ROR2: variants seen among roughly 807,000 people sequenced by gnomAD.
ROR2 encodes tyrosine-protein kinase transmembrane receptor ROR2.
In ROR2, 33 loss-of-function variants were observed where a neutral mutation model predicts 74.9. The observed-to-expected ratio is 0.44, with a 90% CI of 0.33 to 0.59. The LOEUF is 0.59. ROR2 is among the 20% of genes least tolerant of loss of function. ROR2 has a pLI of 0.02. For missense variants in ROR2, 1,216 were observed against 1,313.8 expected (o/e 0.93, Z 1.15); for synonymous variants, 586 against 558.7 (o/e 1.05, Z -0.69).
At chr9:91,785,878 C>T (rs1826779248) in intron 1 of ROR2, among the ~76,000 whole-genome samples, 1 of 152,202 alleles carries the variant, frequency 6.6e-6, no homozygotes, top group African/African-American at 2.4e-5. Flanking sequence ...CTGACAACAT[C>T]CCCTTTTACA....
intron 1 of ROR2, among the ~76,000 whole-genome samples, chr9:91,810,373 G>A (rs142196390): frequency 6.6e-6 from 1 of 152,292 alleles, no homozygotes; most frequent in East Asian, 1.9e-4. Context: ...CCTTCCCAGA[G>A]GCGAGTTTCA....
chr9:91,781,229 A>G (rs1236921746), intron 1 of ROR2, among the ~76,000 whole-genome samples: 8 of 152,220 alleles, frequency 5.3e-5, no homozygotes, highest in African/African-American at 1.7e-4. Flanking sequence ...GCAGGGAAAA[A>G]GCACAGCCTG....
At chr9:91,849,423 C>A (rs1275807437) in intron 1 of ROR2, among the ~76,000 whole-genome samples, 1 of 152,230 alleles carries the variant, frequency 6.6e-6, no homozygotes, top group Non-Finnish European at 1.5e-5. Flanking sequence ...CCCCTCTTCT[C>A]TTCAACTTTC....
intron 1 of ROR2, among the ~76,000 whole-genome samples, chr9:91,796,637 G>A (rs1381663300): frequency 2.0e-5 from 3 of 152,066 alleles, no homozygotes; most frequent in African/African-American, 7.2e-5. Flanking sequence ...CTCAGTGGGA[G>A]GGGTTGACAT....
Position 91,920,116 on chromosome 9 carries a change from A to G in ROR2, c.97+29751T>C, listed in dbSNP as rs967232427. 8.9e-4 allele frequency among the ~76,000 whole-genome samples: 136 copies of G among 152,360 alleles called. 2 individuals are homozygous for G. The highest frequency in any genetic ancestry group is 2.6e-4 in the Admixed American group (4 of 15,308). On this transcript the variant is annotated intron_variant, in intron 1 of 8. Coordinates refer to ENST00000375708, the MANE Select transcript of ROR2 (RefSeq NM_004560.4). ...TCTCTTTTGAGTAACATAAAAAATT[A>G]TAAAAGAATCAAAACCTCAATGAAT...
intron 1 of ROR2, among the ~76,000 whole-genome samples, chr9:91,790,175 C>T (rs576780556): frequency 2.0e-5 from 3 of 152,202 alleles, no homozygotes; most frequent in African/African-American, 7.2e-5. Flanking sequence ...GTGATGCTGT[C>T]TAAGCAAACC....
intron 2 of ROR2, among the ~76,000 whole-genome samples, chr9:91,768,133 G>A (rs1008260793): frequency 3.3e-5 from 5 of 152,142 alleles, no homozygotes; most frequent in Admixed American, 6.5e-5. Flanking sequence ...AGCTCAGACC[G>A]AAGCATGGCA....
At chr9:91,787,804 G>C (rs1384863484) in intron 1 of ROR2, among the ~76,000 whole-genome samples, 1 of 149,854 alleles carries the variant, frequency 6.7e-6, no homozygotes, top group African/African-American at 2.5e-5. Flanking sequence ...CACAGAATGG[G>C]GGGGAGAAAG....
At chr9:91,734,492 C>G (rs1283950608) in intron 5 of ROR2, among the ~76,000 whole-genome samples, 2 of 152,146 alleles carry the variant, frequency 1.3e-5, no homozygotes, top group Non-Finnish European at 2.9e-5. Context: ...ATACAGAGGG[C>G]TGTCAAGAAT....
chr9:91,827,269 A>C (rs1447973883), intron 1 of ROR2, among the ~76,000 whole-genome samples: 1 of 152,228 alleles, frequency 6.6e-6, no homozygotes, highest in Admixed American at 6.5e-5. Flanking sequence ...AAATTTTCCC[A>C]TATCATTATA....
At chr9:91,894,848 C>T (rs4517189) in intron 1 of ROR2, among the ~76,000 whole-genome samples, 42,164 of 152,048 alleles carry the variant, frequency 0.28, 6,120 homozygotes, top group Admixed American at 0.43. Flanking sequence ...CAAAATGGTA[C>T]GGCCACTGAG....
chr9:91,768,645 G>C (rs1826132562), intron 2 of ROR2, among the ~76,000 whole-genome samples: 1 of 152,196 alleles, frequency 6.6e-6, no homozygotes, highest in Non-Finnish European at 1.5e-5. Flanking sequence ...CTACCCCTGG[G>C]AGAAAGACAG....
chr9:91,757,281 C>G lies in ROR2; in HGVS notation c.454G>C (p.Val152Leu). 5 of 1,614,046 alleles carry G rather than the reference C, an allele frequency of 3.1e-6. No individual in the cohort carries two copies. Among genetic ancestry groups the G allele is most frequent in the Non-Finnish European group, 4.2e-6 (5 of 1,180,020 alleles). Residue 152 changes from valine (V) to leucine (L), a missense_variant, in exon 3 of 9, where the codon GTG (valine) becomes CTG (leucine). Val to Leu is a conservative substitution (Grantham distance 32). Transcript: ENST00000375708. ...TCACTGTCCAACTCACCCAGCCGCA[C>G]AAACAGGACGCCAGTGGCGGTAATG... Reference protein sequence around the residue: ...KTITATGVLFVRLGPTHSPNH... With the variant: ...KTITATGVLFLRLGPTHSPNH...
At chr9:91,868,141 A>C (rs1829695891) in intron 1 of ROR2, among the ~76,000 whole-genome samples, 1 of 152,208 alleles carries the variant, frequency 6.6e-6, no homozygotes, top group Non-Finnish European at 1.5e-5. Context: ...AACAAACAGA[A>C]AGATAAAATG....
chr9:91,800,290 C>T (rs913612206), intron 1 of ROR2, among the ~76,000 whole-genome samples: 4 of 151,140 alleles, frequency 2.6e-5, no homozygotes, highest in African/African-American at 7.3e-5. Context: ...TGCAATGAGC[C>T]GAAATCGCAC....
At chr9:91,868,539 T>C (rs1208152303) in intron 1 of ROR2, among the ~76,000 whole-genome samples, 2 of 151,814 alleles carry the variant, frequency 1.3e-5, no homozygotes, top group Non-Finnish European at 2.9e-5. Flanking sequence ...CTGATGAAAA[T>C]TAAAGACAAA....
Position 91,724,164 on chromosome 9 carries a change from G to A in ROR2, c.2330C>T (p.Pro777Leu). The change falls in exon 9 of 9, where the codon CCA (proline) becomes CTA (leucine). Residue 777 changes from proline (P) to leucine (L), a missense_variant. By Grantham distance (98) the Pro-to-Leu change is moderately conservative (BLOSUM62 -3). Transcript: ENST00000375708. ...GCGGGCGTTGCTCACATTGCTCACT[G>A]GGCTGGTGCTCAGGGAGCTGGTCTG... ...TTQTSSLSTS[P>L]VSNVSNARYV... 1.9e-6 allele frequency: 3 copies of A among 1,612,252 alleles called. No homozygotes were observed. The highest frequency in any genetic ancestry group is 2.5e-6 in the Non-Finnish European group (3 of 1,180,018).
intron 1 of ROR2, among the ~76,000 whole-genome samples, chr9:91,925,785 G>A (rs1831380940): frequency 6.6e-6 from 1 of 152,140 alleles, no homozygotes; most frequent in Non-Finnish European, 1.5e-5. Flanking sequence ...ACAGAATTTG[G>A]GGGACCGATC....
At chr9:91,824,790 G>A (rs529404564) in intron 1 of ROR2, among the ~76,000 whole-genome samples, 18 of 152,290 alleles carry the variant, frequency 1.2e-4, no homozygotes, top group African/African-American at 4.1e-4. Flanking sequence ...CCGTCCCCAC[G>A]CTCTGGAACC....
Sources: gnomAD v4.1 joint callset for allele counts (sites outside exome capture counted in the v4.1 genomes callset) on GRCh38, gnomAD v4.1.1 for gene constraint, MANE v1.5 for transcripts, NCBI Gene and HGNC (gene_info 2026-07-23, HGNC 2026-07-21) for gene names.